PAM: variants seen among roughly 807,000 people sequenced by gnomAD.
PAM encodes the protein peptidyl-glycine alpha-amidating monooxygenase.
Under a neutral mutation model 122.1 loss-of-function variants are expected in PAM, and 72 were observed. The ratio of observed to expected loss-of-function variants is 0.59; its 90% confidence interval spans 0.49 to 0.72. The LOEUF (loss-of-function observed/expected upper bound fraction) is 0.72, where lower values mean the gene tolerates loss of function less well. Among genes scored for constraint, PAM ranks in the 30% least tolerant of loss-of-function variants. The pLI, the probability that PAM is intolerant of heterozygous loss-of-function variation, is 0.00. For missense variants in PAM, 1,106 were observed against 1,183.7 expected, an observed-to-expected ratio of 0.93 and a Z score of 0.96; for synonymous variants, 389 against 404.4, an observed-to-expected ratio of 0.96 and a Z score of 0.46.
intron 3 of PAM, among the ~76,000 whole-genome samples, chr5:102,877,050 T>C (rs1789447759): frequency 1.3e-5 from 2 of 152,254 alleles, no homozygotes; most frequent in Non-Finnish European, 2.9e-5. Context: ...TCAGTCATTA[T>C]AGATACAAAA....
chr5:102,770,346 G>A (rs1240584956), intron 1 of PAM, among the ~76,000 whole-genome samples: 1 of 151,912 alleles, frequency 6.6e-6, no homozygotes, highest in Non-Finnish European at 1.5e-5. Flanking sequence ...TTTCAATTTG[G>A]ATGCCCTTTA....
chr5:102,948,961 C>A, intron 9 of PAM, among the ~76,000 whole-genome samples: 1 of 152,144 alleles, frequency 6.6e-6, no homozygotes, highest in Admixed American at 6.6e-5. Flanking sequence ...ATATATTTTA[C>A]GATCCTCTGA....
At chr5:103,020,046 C>T (rs1002387076) in intron 23 of PAM, among the ~76,000 whole-genome samples, 2 of 151,870 alleles carry the variant, frequency 1.3e-5, no homozygotes, top group Admixed American at 1.3e-4. Context: ...TCATAATGAG[C>T]TCAAATTACT....
At chr5:102,767,728 A>G (rs1754522144) in intron 1 of PAM, among the ~76,000 whole-genome samples, 1 of 152,160 alleles carries the variant, frequency 6.6e-6, no homozygotes, top group Non-Finnish European at 1.5e-5. Flanking sequence ...TGCTGCATCA[A>G]GATTTTCACT....
intron 23 of PAM, among the ~76,000 whole-genome samples, chr5:103,021,664 A>G (rs184270476): frequency 6.6e-6 from 1 of 152,294 alleles, no homozygotes; most frequent in East Asian, 1.9e-4. Context: ...CCAAACTCAA[A>G]TGAAGTTGTC....
At chr5:102,788,290 C>A (rs753484259) in intron 1 of PAM, among the ~76,000 whole-genome samples, 26 of 151,652 alleles carry the variant, frequency 1.7e-4, no homozygotes, top group Non-Finnish European at 2.7e-4. Context: ...GGGTAATTAC[C>A]CTTCATATAC....
intron 14 of PAM, among the ~76,000 whole-genome samples, chr5:102,969,381 A>G (rs1037173706): frequency 2.0e-5 from 3 of 152,130 alleles, no homozygotes. Context: ...CAAGGTGGGT[A>G]GGGTGCCATC....
At chr5:102,879,781 A>G (rs771804978) in intron 3 of PAM, among the ~76,000 whole-genome samples, 69 of 152,202 alleles carry the variant, frequency 4.5e-4, no homozygotes, top group Non-Finnish European at 8.4e-4. Context: ...TATCCTATAT[A>G]TACAAATACC....
At chr5:102,941,854 A>AG (rs1411382141) in intron 7 of PAM, among the ~76,000 whole-genome samples, 1 of 150,334 alleles carries the variant, frequency 6.7e-6, no homozygotes, top group Admixed American at 6.6e-5. Flanking sequence ...AAAAAAAAAA[A>AG]AAAAAGAGCT....
At chr5:102,909,969 A>G (rs1800883698) in intron 4 of PAM, among the ~76,000 whole-genome samples, 1 of 151,878 alleles carries the variant, frequency 6.6e-6, no homozygotes, top group South Asian at 2.1e-4. Context: ...TTGGCTAAAA[A>G]TAATTGTTCC....
intron 14 of PAM, among the ~76,000 whole-genome samples, chr5:102,968,060 C>A (rs778057302): frequency 1.3e-5 from 2 of 152,182 alleles, no homozygotes; most frequent in South Asian, 4.2e-4. Context: ...TTGTGCAAAT[C>A]GCTGTGGTAT....
At chr5:102,898,921 A>T (rs1411765123) in intron 3 of PAM, among the ~76,000 whole-genome samples, 1 of 151,654 alleles carries the variant, frequency 6.6e-6, no homozygotes. Flanking sequence ...CTTCAGCTTC[A>T]TTTTTCCATG....
At chr5:102,968,451 C>T (rs186574864) in intron 14 of PAM, among the ~76,000 whole-genome samples, 50 of 152,180 alleles carry the variant, frequency 3.3e-4, no homozygotes, top group African/African-American at 5.5e-4. Flanking sequence ...AGAGATTAAA[C>T]GTATTAAACC....
At position 102,908,369 on chromosome 5, in the gene PAM, G is replaced by A. The variant is rs566362875; in HGVS notation, c.269-5565G>A. 2.6e-3 allele frequency among the ~76,000 whole-genome samples: 401 copies of A among 151,846 alleles called. 3 individuals carry two copies. Among genetic ancestry groups the A allele is most frequent in the Non-Finnish European group, 3.8e-3 (260 of 67,842 alleles). On this transcript the variant is annotated intron_variant, in intron 4 of 25. Coordinates refer to ENST00000438793, the MANE Select transcript of PAM (RefSeq NM_001177306.2). ...GTACCAGTACCATGCTGTTTTGGTT[G>A]CTGTAGCCTTGTAGTATAGTTTGAA...
At chr5:102,960,162 C>T (rs1762036344) in intron 13 of PAM, 103 bp downstream of exon 13, 2 of 655,562 alleles carry the variant, frequency 3.1e-6, no homozygotes, top group Non-Finnish European at 5.2e-6. Context: ...TTCCCTTCTT[C>T]TACCAGTCAC....
intron 14 of PAM, among the ~76,000 whole-genome samples, chr5:102,967,472 AC>A (rs1693817353): frequency 6.6e-6 from 1 of 152,210 alleles, no homozygotes; most frequent in Non-Finnish European, 1.5e-5. Context: ...GACATTTTTA[AC>A]AAATTATTAT....
chr5:102,801,933 C>T (rs375303660), intron 1 of PAM, among the ~76,000 whole-genome samples: 2,539 of 150,222 alleles, frequency 0.017, 59 homozygotes, highest in East Asian at 0.12. Flanking sequence ...CGCCCGCCAC[C>T]ACGCCCGGCT....
At chr5:102,818,495 C>T (rs1040051004) in intron 1 of PAM, among the ~76,000 whole-genome samples, 8 of 151,954 alleles carry the variant, frequency 5.3e-5, no homozygotes, top group Non-Finnish European at 1.0e-4. Context: ...GTCCCAGTGA[C>T]GTCTTGGTGG....
In PAM at chr5:102,760,374, C is replaced by T. The variant is rs571724474; in HGVS notation, c.-374+5026C>T. ...TGTTTCTCACCCTAGAATTTTCTGTCTTCTTCCAGCATCCCCATGAAACTG... is the reference window on the plus strand; with the variant it reads ...TGTTTCTCACCCTAGAATTTTCTGTTTTCTTCCAGCATCCCCATGAAACTG... On this transcript the variant is annotated intron_variant, in intron 1 of 25. Coordinates refer to ENST00000438793, the MANE Select transcript of PAM (RefSeq NM_001177306.2). Among the ~76,000 whole-genome samples, 360 of 152,280 alleles carry T rather than the reference C, an allele frequency of 2.4e-3. 1 individual carries two copies. The highest frequency in any genetic ancestry group is 7.4e-3 in the African/African-American group (307 of 41,554).
Sources: allele counts gnomAD v4.1 joint callset (sites outside exome capture counted in the v4.1 genomes callset), GRCh38; gene constraint gnomAD v4.1.1; transcripts MANE v1.5; gene names NCBI Gene and HGNC (gene_info 2026-07-23, HGNC 2026-07-21).